Variants in BTAF1 observed in about 807,000 individuals in gnomAD.
BTAF1 encodes the protein TATA-binding protein-associated factor 172.
A neutral mutation model predicts 227.1 loss-of-function variants in BTAF1; 38 were observed. The ratio of observed to expected loss-of-function variants is 0.17; its 90% confidence interval spans 0.13 to 0.22. BTAF1 has a LOEUF of 0.22. BTAF1 is among the 10% of genes least tolerant of loss of function. The probability of loss-of-function intolerance (pLI) is 1.00; values close to 1 mark genes in which losing one functional copy is unlikely to be tolerated. For synonymous variants in BTAF1, 742 were observed against 751.9 expected (o/e 0.99, Z 0.21); for missense variants, 1,598 against 2,204.0 (o/e 0.73, Z 5.51).
At chr10:91,939,460 C>CA (rs1358773770) in intron 2 of BTAF1, among the ~76,000 whole-genome samples, 1 of 152,104 alleles carries the variant, frequency 6.6e-6, no homozygotes, top group Non-Finnish European at 1.5e-5. Context: ...CTTTTTGAGA[C>CA]AGAGTTTTGC....
chr10:92,030,914 A>T lies in BTAF1; in HGVS notation c.*1981A>T, dbSNP rs1056498041. The stretch of plus-strand genomic sequence containing the variant: ...GTATTCTTAATTAAATGACCCAGTC[A>T]TTGTAGTACATCTTAAGAATAATGA... On this transcript the variant is annotated 3_prime_UTR_variant, in exon 38 of 38. Transcript: ENST00000265990. Among the ~76,000 whole-genome samples, 4 of 152,224 alleles carry T rather than the reference A, an allele frequency of 2.6e-5. No individual in the cohort carries two copies. Among genetic ancestry groups the T allele is most frequent in the Admixed American group, 6.5e-5 (1 of 15,278 alleles).
intron 4 of BTAF1, among the ~76,000 whole-genome samples, chr10:91,947,720 G>T (rs1845467508): frequency 9.1e-6 from 1 of 109,432 alleles, no homozygotes; most frequent in Admixed American, 1.3e-4. Context: ...TTTAGGACCA[G>T]TCTGTCAATG....
At chr10:91,970,232 T>C (rs2252205) in intron 14 of BTAF1, among the ~76,000 whole-genome samples, 145,700 of 152,130 alleles carry the variant, frequency 0.96, 70,117 homozygotes, top group East Asian at 1. Flanking sequence ...TGTGGCATGT[T>C]AGCCACCTTT....
intron 2 of BTAF1, among the ~76,000 whole-genome samples, chr10:91,938,300 C>G (rs1160815476): frequency 1.3e-5 from 2 of 152,152 alleles, no homozygotes; most frequent in African/African-American, 2.4e-5. Context: ...TTGAACATCA[C>G]TTCTGCTTTT....
intron 6 of BTAF1, 41 bp from the exon 7 acceptor site, chr10:91,956,487 A>G: frequency 6.4e-7 from 1 of 1,564,042 alleles, no homozygotes; most frequent in Non-Finnish European, 8.6e-7. Flanking sequence ...GGTTCACATT[A>G]CGCTTTATTC....
At chr10:91,928,361 T>G (rs1844012587) in intron 1 of BTAF1, among the ~76,000 whole-genome samples, 1 of 152,168 alleles carries the variant, frequency 6.6e-6, no homozygotes, top group African/African-American at 2.4e-5. Context: ...AATCATAGCA[T>G]TTGAAGTTCT....
Position 91,954,871 on chromosome 10 carries a change from C to T in BTAF1, c.701+998C>T, listed in dbSNP as rs191376854. ...TCACACCTGGCCAAAAATGTATATT[C>T]TTGGGTCCCACTCAGATCTGTTAAA... On this transcript the variant is annotated intron_variant, in intron 6 of 37. Coordinates refer to ENST00000265990, the MANE Select transcript of BTAF1 (RefSeq NM_003972.3). Among the ~76,000 whole-genome samples, 6 of 152,276 alleles carry T rather than the reference C, an allele frequency of 3.9e-5. No individual in the cohort carries two copies. The East Asian group carries it at 1.2e-3, about 29-fold the overall frequency.
rs1046904666 is a variant in BTAF1 at position 92,031,359 on chromosome 10, T to C, written c.*2426T>C. On this transcript the variant is annotated 3_prime_UTR_variant, in exon 38 of 38. Coordinates refer to ENST00000265990, the MANE Select transcript of BTAF1 (RefSeq NM_003972.3). The stretch of plus-strand genomic sequence containing the variant: ...TAAAAGTCTTTGATGTTGGGACTGA[T>C]TGAACTGGTATAGCCTTATTCCTTC... Among the ~76,000 whole-genome samples the C allele has an allele frequency of 1.3e-5, 2 of 152,214 alleles. No homozygotes were observed. Among genetic ancestry groups the C allele is most frequent in the Admixed American group, 1.3e-4 (2 of 15,284 alleles).
chr10:92,013,705 C>T lies in BTAF1; in HGVS notation c.4350C>T (p.Leu1450=), dbSNP rs867036907. The part of the protein sequence containing the change: ...VLELWSLFDF[L]MPGFLGTERQ... ...AGCTGTGGTCATTATTTGATTTCCTCATGCCAGGATTTTTGGGTACTGAAC... is the reference window on the plus strand; with the variant it reads ...AGCTGTGGTCATTATTTGATTTCCTTATGCCAGGATTTTTGGGTACTGAAC... The change falls in exon 31 of 38, where the codon CTC becomes CTT. Residue 1450 remains leucine (L), a synonymous_variant. Transcript: ENST00000265990. 6.2e-7 allele frequency: 1 copy of T among 1,614,058 alleles called. No individual in the cohort carries two copies. The highest frequency in any genetic ancestry group is 1.6e-4 in the Middle Eastern group (1 of 6,062).
intron 1 of BTAF1, 74 bp downstream of exon 1, chr10:91,924,164 C>G: frequency 6.4e-7 from 1 of 1,563,062 alleles, no homozygotes; most frequent in African/African-American, 1.4e-5. Context: ...AGCCCCCACT[C>G]CTAGAGAAGA....
intron 7 of BTAF1, 25 bp from the exon 8 acceptor site, chr10:91,957,200 T>C (rs202035118): frequency 4.4e-6 from 7 of 1,589,304 alleles, no homozygotes; most frequent in Non-Finnish European, 6.0e-6. Context: ...TTTGAACTAG[T>C]AGTAATTCTG....
At chr10:91,961,569 C>T (rs1846517828) in intron 11 of BTAF1, among the ~76,000 whole-genome samples, 1 of 152,056 alleles carries the variant, frequency 6.6e-6, no homozygotes, top group Non-Finnish European at 1.5e-5. Flanking sequence ...TTTTCCTGCC[C>T]CTTTTAGTGC....
chr10:91,987,824 CG>C (rs1274153451), intron 19 of BTAF1, among the ~76,000 whole-genome samples: 2 of 152,130 alleles, frequency 1.3e-5, no homozygotes, highest in African/African-American at 4.8e-5. Flanking sequence ...TGCGCAAGTA[CG>C]CTACACTTAT....
chr10:91,926,098 T>C (rs1451238471), intron 1 of BTAF1, among the ~76,000 whole-genome samples: 3 of 152,188 alleles, frequency 2.0e-5, no homozygotes, highest in Non-Finnish European at 4.4e-5. Flanking sequence ...GTGGATTTCT[T>C]TGAATGGCAA....
chr10:91,932,877 C>T (rs770613080), intron 1 of BTAF1, among the ~76,000 whole-genome samples: 3 of 152,178 alleles, frequency 2.0e-5, no homozygotes, highest in East Asian at 1.9e-4. Context: ...CAGGCACACC[C>T]GAAGATCACC....
chr10:92,015,718 T>C (rs1478161679), intron 32 of BTAF1, among the ~76,000 whole-genome samples: 1 of 152,140 alleles, frequency 6.6e-6, no homozygotes, highest in Non-Finnish European at 1.5e-5. Context: ...CAAAGAGAAA[T>C]GGCATTTTGG....
chr10:91,996,110 A>T (rs1241748034), intron 23 of BTAF1, among the ~76,000 whole-genome samples: 1 of 152,180 alleles, frequency 6.6e-6, no homozygotes, highest in Non-Finnish European at 1.5e-5. Flanking sequence ...GAGTGTTCCT[A>T]TATGCCTAAG....
At chr10:91,974,894 A>C (rs1001589883) in intron 14 of BTAF1, among the ~76,000 whole-genome samples, 3 of 152,214 alleles carry the variant, frequency 2.0e-5, no homozygotes, top group African/African-American at 7.2e-5. Flanking sequence ...AATGATTTAC[A>C]ATCAAGGTAT....
Position 91,964,086 on chromosome 10 carries a change from A to G in BTAF1, c.1414A>G (p.Ile472Val). 1 of 1,613,212 alleles carries G rather than the reference A, an allele frequency of 6.2e-7. No homozygotes were observed. The highest frequency in any genetic ancestry group is 1.1e-5 in the South Asian group (1 of 91,044). ...AAAACTGATCTTATAGGTGCCCTTC[A>G]TTATAAATACATTGTGGGATGCTCT... is the stretch of plus-strand genomic sequence containing the variant. ...VYLQTQKVPF[I>V]INTLWDALLE... The change falls in exon 13 of 38, where the codon ATT becomes GTT. Residue 472 changes from isoleucine (I) to valine (V), a missense_variant. Physicochemically the swap from Ile to Val is conservative, Grantham distance 29. Coordinates refer to ENST00000265990, the MANE Select transcript of BTAF1 (RefSeq NM_003972.3).
Sources: allele counts gnomAD v4.1 joint callset (sites outside exome capture counted in the v4.1 genomes callset), GRCh38; gene constraint gnomAD v4.1.1; transcripts MANE v1.5; gene names NCBI Gene and HGNC (gene_info 2026-07-23, HGNC 2026-07-21).